COL6A3: variants seen among roughly 807,000 people sequenced by gnomAD.
The protein encoded by COL6A3 is collagen type VI alpha 3 chain, also known as collagen alpha-3(VI) chain.
A neutral mutation model predicts 274.1 loss-of-function variants in COL6A3; 137 were observed. That is an observed-to-expected ratio of 0.50 (90% CI 0.44 to 0.58). The LOEUF is 0.58. COL6A3 is among the 20% of genes least tolerant of loss of function. COL6A3 has a pLI of 0.00. For synonymous variants in COL6A3, 1,650 were observed against 1,650.6 expected (o/e 1.00, Z 0.01); for missense variants, 3,950 against 4,124.9 (o/e 0.96, Z 1.16).
Position 237,344,430 on chromosome 2 carries a change from C to G in COL6A3, c.7588G>C (p.Val2530Leu). The G allele has an allele frequency of 6.2e-7, 1 of 1,614,246 alleles. No individual in the cohort carries two copies. ...ATCCCCGCATCTGAGAGCTTGAGCA[C>G]AGCCTCTCTGAGCTGTGGGGATGCT... is the stretch of plus-strand genomic sequence containing the variant. ...TRASPQLREA[V>L]LKLSDAGITP... Residue 2530 changes from valine to leucine, a missense_variant, in exon 36 of 44, where the codon GTG (valine) becomes CTG (leucine). Transcript: ENST00000295550. This position sits in a 1 kb window ranked among gnomAD's most constrained non-coding sequence, Gnocchi z 4.8.
At chr2:237,367,837 G>C (rs996735844) in intron 10 of COL6A3, among the ~76,000 whole-genome samples, 1 of 152,160 alleles carries the variant, frequency 6.6e-6, no homozygotes, top group African/African-American at 2.4e-5. Context: ...GTGGTGTGGA[G>C]GGTAATTTCT....
chr2:237,377,804 T>C (rs1178088200), intron 6 of COL6A3, among the ~76,000 whole-genome samples: 1 of 152,184 alleles, frequency 6.6e-6, no homozygotes, highest in Non-Finnish European at 1.5e-5. Context: ...TGGGTTGCCA[T>C]GAATCTGCTG....
chr2:237,324,858 G>C, intron 43 of COL6A3, 44 bp from the exon 44 acceptor site: 1 of 1,603,042 alleles, frequency 6.2e-7, no homozygotes, highest in Non-Finnish European at 8.5e-7. Flanking sequence ...GTGAGGAGCC[G>C]AGAGAAGAGA....
chr2:237,351,097 C>T, intron 27 of COL6A3, 33 bp downstream of exon 27: 1 of 1,611,050 alleles, frequency 6.2e-7, no homozygotes, highest in African/African-American at 1.3e-5. Flanking sequence ...TGGTCCCTGT[C>T]CTCAGGAAAG....
rs1160941065 is a variant in COL6A3 at position 237,371,281 on chromosome 2, G to A, written c.4285+451C>T. Among the ~76,000 whole-genome samples the A allele has an allele frequency of 6.6e-6, 1 of 152,168 alleles. No homozygotes were observed. The highest frequency in any genetic ancestry group is 1.5e-5 in the Non-Finnish European group (1 of 68,034). ...TGTTCAGTCGCAGGTGTGTCCTGGT[G>A]GGGTCTGGCTGGTGGGCATGAAGAA... On this transcript the variant is annotated intron_variant, in intron 9 of 43. Coordinates refer to ENST00000295550, the MANE Select transcript of COL6A3 (RefSeq NM_004369.4). This position sits in a 1 kb window ranked among gnomAD's most constrained non-coding sequence, Gnocchi z 4.3.
At position 237,396,714 on chromosome 2, in the gene COL6A3, T is replaced by G; in HGVS notation, c.91+13A>C. 1 of 1,613,844 alleles carries G rather than the reference T, an allele frequency of 6.2e-7. No individual in the cohort carries two copies. The highest frequency in any genetic ancestry group is 2.2e-5 in the East Asian group (1 of 44,880). On this transcript the variant is annotated intron_variant, in intron 2 of 43. Coordinates refer to ENST00000295550, the MANE Select transcript of COL6A3 (RefSeq NM_004369.4). ...TTCCTTTTTACAAAATCAAGGACGT[T>G]TCTGGCTCTTACCTGCTTGCTGCTG...
rs764968836 is a variant in COL6A3 at position 237,369,062 on chromosome 2, G to A, written c.4401C>T (p.Asn1467=). 6.2e-7 allele frequency: 1 copy of A among 1,614,226 alleles called. No individual in the cohort carries two copies. Among genetic ancestry groups the A allele is most frequent in the Non-Finnish European group, 8.5e-7 (1 of 1,180,042 alleles). The change falls in exon 10 of 44, where the codon AAC becomes AAT. Residue 1467 remains asparagine, a synonymous_variant. Transcript: ENST00000295550. The part of the protein sequence containing the change: ...DFVSRIVRRL[N]IGPSKVRVGV... ...CAACTCTCACTTTACTGGGGCCGAT[G>A]TTGAGTCTTCGAACAATCCTGCTAA...
rs1574703713 is a variant in COL6A3 at position 237,372,200 on chromosome 2, C to T, written c.3817G>A (p.Val1273Ile). The T allele has an allele frequency of 1.9e-6, 3 of 1,614,150 alleles. No homozygotes were observed. The African/African-American group carries it at 4.0e-5, about 22-fold the overall frequency. ...DVGFDTTRVA[V>I]IQFSDDPKVE... ...TTGGGGTCATCGCTGAACTGGATGA[C>T]AGCCACCCGGGTGGTGTCAAAGCCC... The change falls in exon 9 of 44, where the codon GTC becomes ATC. Residue 1273 changes from valine (V) to isoleucine (I), a missense_variant. Val to Ile is a conservative substitution (Grantham distance 29). This residue lies in a region of COL6A3 where 1,934 missense variants were observed against 1,984.3 expected (regional missense o/e 0.97). Coordinates refer to ENST00000295550, the MANE Select transcript of COL6A3 (RefSeq NM_004369.4).
chr2:237,330,101 G>C (rs577951772), intron 42 of COL6A3: 1 of 152,298 alleles, frequency 6.6e-6, no homozygotes, highest in Non-Finnish European at 1.5e-5. Context: ...ACTGCAAAAA[G>C]TAAATTTTAA....
At position 237,369,139 on chromosome 2, in the gene COL6A3, C is replaced by G. The variant is rs772700553; in HGVS notation, c.4324G>C (p.Asp1442His). ...TCTGGCCTAACTCCCTCAGAGCTGT[C>G]GATCAGAAAGACAATGTCTGCAGCA... ...SDAADIVFLIDSSEGVRPDGF... is the reference protein window; with the variant it reads ...SDAADIVFLIHSSEGVRPDGF... Residue 1442 changes from aspartate to histidine, a missense_variant, in exon 10 of 44, where the codon GAC becomes CAC. By Grantham distance (81) the Asp-to-His change is moderately conservative. Around this residue, in one of 5 missense-constraint regions of COL6A3, gnomAD observed 1,934 missense variants for 1,984.3 expected, o/e 0.97. Coordinates refer to ENST00000295550, the MANE Select transcript of COL6A3 (RefSeq NM_004369.4). 23 of 1,613,492 alleles carry G rather than the reference C, an allele frequency of 1.4e-5. No individual in the cohort carries two copies. The South Asian group carries it at 2.5e-4, about 18-fold the overall frequency.
Position 237,367,000 on chromosome 2 carries a change from G to T in COL6A3, c.5187C>A (p.Asn1729Lys). Residue 1729 changes from asparagine to lysine, a missense_variant, in exon 11 of 44, where the codon AAC (asparagine) becomes AAA (lysine). Asn to Lys is a moderately conservative substitution (Grantham distance 94). Coordinates refer to ENST00000295550, the MANE Select transcript of COL6A3 (RefSeq NM_004369.4). Reference protein sequence around the residue: ...TKVGLEHLRVNHFVPEAGSRL... With the variant: ...TKVGLEHLRVKHFVPEAGSRL... ...GGCTGCCTGCCTCAGGCACAAAGTG[G>T]TTTACCCGCAGGTGCTCAAGGCCCA... 2 of 1,614,238 alleles carry T rather than the reference G, an allele frequency of 1.2e-6. No homozygotes were observed. The highest frequency in any genetic ancestry group is 1.7e-5 in the Admixed American group (1 of 60,036).
Position 237,374,782 on chromosome 2 carries a change from C to A in COL6A3, c.3309G>T (p.Gly1103=), listed in dbSNP as rs1248915628. Residue 1103 remains glycine (G), a synonymous_variant, in exon 8 of 44, where the codon GGG becomes GGT. Coordinates refer to ENST00000295550, the MANE Select transcript of COL6A3 (RefSeq NM_004369.4). This position sits in a 1 kb window ranked among gnomAD's most constrained non-coding sequence, Gnocchi z 4.8. ...GGGCGGCCCCGGTGTTGGGGGTCGGCCCTCCCAGCAGGGTCAGCTGGCGGA... is the reference window on the plus strand; with the variant it reads ...GGGCGGCCCCGGTGTTGGGGGTCGGACCTCCCAGCAGGGTCAGCTGGCGGA... ...NAVRQLTLLG[G]PTPNTGAALE... 3 of 1,614,010 alleles carry A rather than the reference C, an allele frequency of 1.9e-6. No homozygotes were observed. The highest frequency in any genetic ancestry group is 1.7e-5 in the Admixed American group (1 of 60,012).
intron 1 of COL6A3, among the ~76,000 whole-genome samples, chr2:237,412,946 G>A (rs1027957502): frequency 1.3e-5 from 2 of 152,166 alleles, no homozygotes; most frequent in African/African-American, 4.8e-5. Context: ...CTGGCTCCTG[G>A]GGCTTCCTGT....
Position 237,336,235 on chromosome 2 carries a change from G to T in COL6A3, c.8865C>A (p.Pro2955=), listed in dbSNP as rs199936838. ...VAAKPAAVRP[P]AAAAAKPVAT... The stretch of plus-strand genomic sequence containing the variant: ...CCACTGGTTTTGCAGCAGCAGCAGC[G>T]GGGGGTCTTACAGCTGCTGGCTTTG... Residue 2955 remains proline, a synonymous_variant, in exon 40 of 44, where the codon CCC becomes CCA. Transcript: ENST00000295550. The T allele has an allele frequency of 1.9e-6, 3 of 1,613,656 alleles. No individual in the cohort carries two copies. Among genetic ancestry groups the T allele is most frequent in the East Asian group, 4.5e-5 (2 of 44,886 alleles).
intron 9 of COL6A3, among the ~76,000 whole-genome samples, chr2:237,370,297 G>T (rs2106354843): frequency 6.6e-6 from 1 of 150,548 alleles, no homozygotes; most frequent in East Asian, 2.0e-4. Flanking sequence ...GGAGTGCAGT[G>T]GCGCAATCTC....
In COL6A3 at chr2:237,403,472, C is replaced by T. The variant is rs541755578; in HGVS notation, c.-30-6625G>A. On this transcript the variant is annotated intron_variant, in intron 1 of 43. Transcript: ENST00000295550. ...GCTAAAATAGAACCACCTGTCAATA[C>T]AGCAGTCTCTTGGAAATGCATCAAC... 3.9e-5 allele frequency among the ~76,000 whole-genome samples: 6 copies of T among 152,298 alleles called. No individual in the cohort carries two copies. The South Asian group carries it at 6.2e-4, about 16-fold the overall frequency.
At chr2:237,409,438 C>T (rs1381561929) in intron 1 of COL6A3, among the ~76,000 whole-genome samples, 1 of 152,158 alleles carries the variant, frequency 6.6e-6, no homozygotes, top group Non-Finnish European at 1.5e-5. Context: ...CCTCCCTGAA[C>T]CTCAGGGCTC....
rs74663539 is a variant in COL6A3, at chr2:237,354,320, T to A, written c.6627+579A>T. Among the ~76,000 whole-genome samples the A allele has an allele frequency of 3.9e-5, 2 of 50,714 alleles. 1 individual carries two copies. The highest frequency in any genetic ancestry group is 8.9e-4 in the South Asian group (2 of 2,254). 33.3% of individuals were successfully genotyped at this position (50,714 alleles called of 152,430 possible). On this transcript the variant is annotated intron_variant, in intron 24 of 43. Coordinates refer to ENST00000295550, the MANE Select transcript of COL6A3 (RefSeq NM_004369.4). The stretch of plus-strand genomic sequence containing the variant: ...GGCATCAGCCACCGTCCTGGCCAGA[T>A]TTTTTTTTTTTTAAGCTGAATACCT...
At chr2:237,369,655 C>T (rs1221705908) in intron 9 of COL6A3, among the ~76,000 whole-genome samples, 3 of 152,226 alleles carry the variant, frequency 2.0e-5, no homozygotes, top group Non-Finnish European at 4.4e-5. Flanking sequence ...AGCCCAACAC[C>T]ATCCCAGCAT....
Sources: gnomAD v4.1 joint callset for allele counts (sites outside exome capture counted in the v4.1 genomes callset) on GRCh38, gnomAD v4.1.1 for gene constraint, gnomAD v4.1.1 regional missense constraint, Gnocchi (gnomAD v3.1) non-coding constraint, MANE v1.5 for transcripts, NCBI Gene and HGNC (gene_info 2026-07-23, HGNC 2026-07-21) for gene names.